AGBL4: variants seen among roughly 807,000 people sequenced by gnomAD.
AGBL4 encodes cytosolic carboxypeptidase 6.
A neutral mutation model predicts 66.4 loss-of-function variants in AGBL4; 58 were observed. The observed-to-expected ratio is 0.87, with a 90% CI of 0.71 to 1.09. The LOEUF (loss-of-function observed/expected upper bound fraction) is 1.09. AGBL4 is among the 50% of genes least tolerant of loss of function. The pLI is 0.00. For missense variants in AGBL4, 579 were observed against 631.0 expected, an observed-to-expected ratio of 0.92 and a Z score of 0.88; for synonymous variants, 234 against 222.9, an observed-to-expected ratio of 1.05 and a Z score of -0.44.
intron 4 of AGBL4, among the ~76,000 whole-genome samples, chr1:49,137,059 C>T (rs1209350416): frequency 6.6e-6 from 1 of 152,142 alleles, no homozygotes; most frequent in African/African-American, 2.4e-5. Flanking sequence ...ATTGAATTTA[C>T]AAATACTTAC....
intron 4 of AGBL4, among the ~76,000 whole-genome samples, chr1:49,223,215 T>C (rs1649635152): frequency 1.3e-5 from 2 of 151,914 alleles, no homozygotes; most frequent in Non-Finnish European, 2.9e-5. Flanking sequence ...GAATGAAGAG[T>C]TGGGTACCTG....
chr1:49,001,982 TG>T (rs1661425992), intron 5 of AGBL4, among the ~76,000 whole-genome samples: 1 of 152,232 alleles, frequency 6.6e-6, no homozygotes, highest in African/African-American at 2.4e-5. Context: ...ACTATAGGGT[TG>T]TGGTAAATAT....
intron 6 of AGBL4, among the ~76,000 whole-genome samples, chr1:48,691,561 G>A (rs528232737): frequency 2.0e-4 from 30 of 152,292 alleles, no homozygotes; most frequent in African/African-American, 7.0e-4. Context: ...GGGCTGTCTG[G>A]AGTTGAGTCA....
intron 4 of AGBL4, 146 bp downstream of exon 4, chr1:49,245,624 A>C: frequency 1.8e-6 from 1 of 558,412 alleles, no homozygotes; most frequent in Non-Finnish European, 3.2e-6. Context: ...GCTGTACAGC[A>C]GATAAACTAG....
intron 4 of AGBL4, among the ~76,000 whole-genome samples, chr1:49,101,428 T>G (rs1645199861): frequency 6.6e-6 from 1 of 152,188 alleles, no homozygotes; most frequent in Non-Finnish European, 1.5e-5. Context: ...CCTCAAGTGA[T>G]CCGCCTGATT....
intron 6 of AGBL4, among the ~76,000 whole-genome samples, chr1:48,743,063 A>G (rs1407574848): frequency 6.6e-6 from 1 of 152,240 alleles, no homozygotes; most frequent in Non-Finnish European, 1.5e-5. Context: ...AACTTCCTGC[A>G]TAGGAAAGAG....
chr1:49,707,367 C>CTTTT (rs34368394), intron 2 of AGBL4, among the ~76,000 whole-genome samples: 56 of 76,208 alleles, frequency 7.3e-4, no homozygotes, highest in East Asian at 1.1e-3. Context: ...GCAACCCCTG[C>CTTTT]TTTTTTTTTT....
chr1:49,283,786 G>A (rs1644338155), intron 3 of AGBL4, among the ~76,000 whole-genome samples: 2 of 147,038 alleles, frequency 1.4e-5, no homozygotes, highest in African/African-American at 2.5e-5. Context: ...AAGATGAAAT[G>A]AATGAAATGA....
intron 3 of AGBL4, among the ~76,000 whole-genome samples, chr1:49,392,948 A>G (rs1450939716): frequency 2.0e-5 from 3 of 152,222 alleles, no homozygotes; most frequent in Non-Finnish European, 2.9e-5. Flanking sequence ...AAGTATTATA[A>G]TAAGCAAAAA....
chr1:49,265,336 G>A (rs1199924242), intron 3 of AGBL4, among the ~76,000 whole-genome samples: 1 of 152,118 alleles, frequency 6.6e-6, no homozygotes, highest in East Asian at 1.9e-4. Flanking sequence ...ACAAAGGTTG[G>A]TGTGAAATGG....
At chr1:49,115,818 G>A (rs1386010158) in intron 4 of AGBL4, among the ~76,000 whole-genome samples, 1 of 151,932 alleles carries the variant, frequency 6.6e-6, no homozygotes, top group East Asian at 1.9e-4. Context: ...AATCTCTACT[G>A]TGACAGTCAT....
intron 11 of AGBL4, chr1:48,583,984 G>C (rs1480828865): frequency 6.6e-6 from 1 of 151,898 alleles, no homozygotes; most frequent in Non-Finnish European, 1.5e-5. Flanking sequence ...AACAAGGCAG[G>C]GTAGGTCCAT....
intron 11 of AGBL4, among the ~76,000 whole-genome samples, chr1:48,582,659 G>A (rs1025553037): frequency 6.6e-6 from 1 of 152,192 alleles, no homozygotes; most frequent in Non-Finnish European, 1.5e-5. Context: ...GCAGTACCAG[G>A]AGAATGCAGA....
chr1:49,587,758 C>A (rs757959525), intron 3 of AGBL4, among the ~76,000 whole-genome samples: 1 of 152,118 alleles, frequency 6.6e-6, no homozygotes. Flanking sequence ...ACAACAGCAA[C>A]TTGTTGTTTG....
intron 11 of AGBL4, among the ~76,000 whole-genome samples, chr1:48,568,564 T>G (rs910692441): frequency 6.6e-6 from 1 of 152,216 alleles, no homozygotes; most frequent in East Asian, 1.9e-4. Flanking sequence ...GTTCCATTAG[T>G]GTCCCTTTGG....
intron 3 of AGBL4, among the ~76,000 whole-genome samples, chr1:49,684,250 C>G (rs187017749): frequency 2.0e-5 from 3 of 152,280 alleles, no homozygotes; most frequent in Admixed American, 6.5e-5. Context: ...ATATCAATCT[C>G]TCATTTCTTT....
At chr1:49,604,020 T>C (rs1571155205) in intron 3 of AGBL4, among the ~76,000 whole-genome samples, 2 of 151,502 alleles carry the variant, frequency 1.3e-5, no homozygotes, top group South Asian at 2.1e-4. Flanking sequence ...CAACGGTGAA[T>C]TGTGCTGTAA....
intron 2 of AGBL4, among the ~76,000 whole-genome samples, chr1:49,734,921 A>ATAGATC: frequency 6.6e-6 from 1 of 152,298 alleles, no homozygotes; most frequent in Admixed American, 6.5e-5. Flanking sequence ...GGATAGGCAT[A>ATAGATC]TAGATCAATA....
At position 49,509,097 on chromosome 1, in the gene AGBL4, G is replaced by A. The variant is rs1012704596; in HGVS notation, c.282+188216C>T. Reference sequence around the variant, plus strand: ...AAACTGTGTTAGTATTCAAATGGGAGAAGACACTTCAGGATGAGGTGGGGG... The same window carrying A: ...AAACTGTGTTAGTATTCAAATGGGAAAAGACACTTCAGGATGAGGTGGGGG... On this transcript the variant is annotated intron_variant, in intron 3 of 13. Coordinates refer to ENST00000371839, the MANE Select transcript of AGBL4 (RefSeq NM_032785.4). 6.6e-5 allele frequency among the ~76,000 whole-genome samples: 10 copies of A among 151,954 alleles called. 1 individual carries two copies. Among genetic ancestry groups the A allele is most frequent in the Admixed American group, 1.3e-4 (2 of 15,216 alleles).
Sources: allele counts gnomAD v4.1 joint callset (sites outside exome capture counted in the v4.1 genomes callset), GRCh38; gene constraint gnomAD v4.1.1; transcripts MANE v1.5; gene names NCBI Gene and HGNC (gene_info 2026-07-23, HGNC 2026-07-21).